Variants in STPG2 observed in about 807,000 individuals in gnomAD.
The protein encoded by STPG2 is sperm-tail PG-rich repeat-containing protein 2.
Under a neutral mutation model 54.2 loss-of-function variants are expected in STPG2, and 56 were observed. The ratio of observed to expected loss-of-function variants is 1.03; its 90% CI spans 0.83 to 1.29. The LOEUF is 1.29. STPG2 is among the 50% of genes most tolerant of loss of function. The probability of loss-of-function intolerance (pLI) is 0.00; values close to 1 mark genes in which losing one functional copy is unlikely to be tolerated. For missense variants in STPG2, 596 were observed against 544.9 expected (o/e 1.09, Z -0.93); for synonymous variants, 200 against 181.8 (o/e 1.10, Z -0.81).
At chr4:97,490,816 T>C (rs182050424) in intron 4 of STPG2, among the ~76,000 whole-genome samples, 1 of 151,680 alleles carries the variant, frequency 6.6e-6, no homozygotes, top group Non-Finnish European at 1.5e-5. Context: ...CCCATATCTT[T>C]TCTCTTTTCT....
intron 10 of STPG2, among the ~76,000 whole-genome samples, chr4:97,609,926 T>C (rs1733691263): frequency 6.6e-6 from 1 of 151,796 alleles, no homozygotes; most frequent in Non-Finnish European, 1.5e-5. Context: ...TGAGCAAAAA[T>C]GTATATGTAT....
At chr4:97,994,053 T>G (rs1338790238) in intron 5 of STPG2, among the ~76,000 whole-genome samples, 1 of 152,156 alleles carries the variant, frequency 6.6e-6, no homozygotes. Flanking sequence ...GTTTCATTTA[T>G]CTTTTGTATT....
Position 98,016,682 on chromosome 4 carries a change from T to A in STPG2, c.613-35364A>T, listed in dbSNP as rs753500429. Among the ~76,000 whole-genome samples the A allele has an allele frequency of 5.3e-5, 8 of 152,352 alleles. No individual in the cohort carries two copies. The South Asian group carries it at 1.7e-3, about 32-fold the overall frequency. ...TATTGTTTTCCTGATTTTGTTTACT[T>A]GCCCATCTGTGTTCTCTTGTAGCTC... is the stretch of plus-strand genomic sequence containing the variant. On this transcript the variant is annotated intron_variant, in intron 5 of 10. Coordinates refer to ENST00000295268, the MANE Select transcript of STPG2 (RefSeq NM_174952.3).
intron 8 of STPG2, among the ~76,000 whole-genome samples, chr4:97,854,652 A>G (rs1293672166): frequency 1.3e-5 from 2 of 152,104 alleles, no homozygotes; most frequent in Non-Finnish European, 2.9e-5. Context: ...CAAGGTATCA[A>G]TTCTACCATA....
intron 10 of STPG2, among the ~76,000 whole-genome samples, chr4:97,641,717 C>A (rs1408868003): frequency 1.3e-5 from 2 of 151,168 alleles, no homozygotes; most frequent in African/African-American, 2.4e-5. Context: ...AACATACATA[C>A]AAATATATAG....
At chr4:97,523,512 A>G (rs934994065) in intron 4 of STPG2, among the ~76,000 whole-genome samples, 3 of 152,002 alleles carry the variant, frequency 2.0e-5, no homozygotes, top group African/African-American at 4.8e-5. Flanking sequence ...AATTAGTAGC[A>G]GTGAAGGGTG....
At chr4:97,926,886 A>G (rs1195414713) in intron 8 of STPG2, among the ~76,000 whole-genome samples, 2 of 152,072 alleles carry the variant, frequency 1.3e-5, no homozygotes, top group African/African-American at 4.8e-5. Flanking sequence ...TTTTATAGCT[A>G]AAAATATAGT....
At chr4:98,083,709 A>T (rs1738419483) in intron 5 of STPG2, among the ~76,000 whole-genome samples, 1 of 152,240 alleles carries the variant, frequency 6.6e-6, no homozygotes, top group South Asian at 2.1e-4. Context: ...ATTTACATAC[A>T]GCACAAATGT....
chr4:97,888,399 G>A (rs1730657327), intron 8 of STPG2, among the ~76,000 whole-genome samples: 2 of 152,222 alleles, frequency 1.3e-5, no homozygotes, highest in African/African-American at 4.8e-5. Flanking sequence ...CAGACCCCTT[G>A]CACCAGTGTG....
chr4:97,846,147 T>C (rs747394053), intron 8 of STPG2, among the ~76,000 whole-genome samples: 2 of 152,154 alleles, frequency 1.3e-5, no homozygotes, highest in African/African-American at 4.8e-5. Flanking sequence ...TAAAATCTCC[T>C]GTAATCTAGT....
intron 8 of STPG2, among the ~76,000 whole-genome samples, chr4:97,909,027 T>TAAG (rs1433884384): frequency 6.8e-6 from 1 of 148,020 alleles, no homozygotes; most frequent in African/African-American, 2.5e-5. Context: ...ATAATAATAA[T>TAAG]AATAATAATA....
intron 4 of STPG2, among the ~76,000 whole-genome samples, chr4:97,502,169 A>C (rs1730739611): frequency 6.6e-6 from 1 of 152,006 alleles, no homozygotes; most frequent in Admixed American, 6.6e-5. Context: ...ATAAAGTAAT[A>C]TTTCTAAGAC....
At chr4:97,881,956 C>G (rs1730391004) in intron 8 of STPG2, among the ~76,000 whole-genome samples, 2 of 152,100 alleles carry the variant, frequency 1.3e-5, no homozygotes, top group Admixed American at 1.3e-4. Flanking sequence ...ATTGACTTTT[C>G]TTTTTCTCAA....
At chr4:97,543,970 C>G (rs573752991) in intron 4 of STPG2, among the ~76,000 whole-genome samples, 14 of 152,032 alleles carry the variant, frequency 9.2e-5, no homozygotes, top group African/African-American at 3.1e-4. Flanking sequence ...AGAAACACCT[C>G]CAAAAGGTAC....
At chr4:97,872,033 A>AT (rs1730009073) in intron 8 of STPG2, among the ~76,000 whole-genome samples, 3 of 151,254 alleles carry the variant, frequency 2.0e-5, no homozygotes, top group Admixed American at 2.0e-4. Context: ...CTCTAAAAAG[A>AT]ACAGTCATAT....
chr4:97,768,923 AT>A (rs971821536), intron 9 of STPG2, among the ~76,000 whole-genome samples: 1 of 152,090 alleles, frequency 6.6e-6, no homozygotes, highest in Admixed American at 6.6e-5. Flanking sequence ...GCTGGTCTCG[AT>A]GGTGGTCTCT....
At chr4:97,799,856 A>G (rs1251839404) in intron 9 of STPG2, among the ~76,000 whole-genome samples, 3 of 152,054 alleles carry the variant, frequency 2.0e-5, no homozygotes, top group Admixed American at 2.0e-4. Context: ...ACATAGTCCC[A>G]TATTTCTTGG....
At position 98,103,212 on chromosome 4, in the gene STPG2, A is replaced by G. The variant is rs532993777; in HGVS notation, c.612+2741T>C. On this transcript the variant is annotated intron_variant, in intron 5 of 10. Transcript: ENST00000295268. ...TAAGCAGAAAAGATAAAAGTCACCC[A>G]TAATTTCACCACTTTGAGTTAAACA... 4.8e-4 allele frequency among the ~76,000 whole-genome samples: 73 copies of G among 152,020 alleles called. 1 individual carries two copies. The highest frequency in any genetic ancestry group is 1.8e-3 in the African/African-American group (73 of 41,332).
intron 8 of STPG2, among the ~76,000 whole-genome samples, chr4:97,939,918 G>C (rs1420490216): frequency 6.6e-6 from 1 of 152,144 alleles, no homozygotes; most frequent in Admixed American, 6.6e-5. Context: ...GTGTTTAAAT[G>C]TGTTTCATAT....
Sources: allele counts gnomAD v4.1 joint callset (sites outside exome capture counted in the v4.1 genomes callset), GRCh38; gene constraint gnomAD v4.1.1; transcripts MANE v1.5; gene names NCBI Gene and HGNC (gene_info 2026-07-23, HGNC 2026-07-21).